Variants in NRG3 observed in about 807,000 individuals in gnomAD.
The protein encoded by NRG3 is neuregulin 3, also known as pro-neuregulin-3, membrane-bound isoform.
In NRG3, 31 loss-of-function variants were observed where a neutral mutation model predicts 66.9. That is an observed-to-expected ratio of 0.46 (90% confidence interval 0.35 to 0.63). The LOEUF (loss-of-function observed/expected upper bound fraction) is 0.63, where lower values mean the gene tolerates loss of function less well. NRG3 is among the 20% of genes least tolerant of loss of function. The probability of loss-of-function intolerance (pLI) is 0.00; values close to 1 mark genes in which losing one functional copy is unlikely to be tolerated. For missense variants in NRG3, 910 were observed against 878.9 expected, an observed-to-expected ratio of 1.04 and a Z score of -0.45; for synonymous variants, 393 against 359.4, an observed-to-expected ratio of 1.09 and a Z score of -1.06.
chr10:82,843,302 C>A, intron 3 of NRG3: 1 of 448,534 alleles, frequency 2.2e-6, no homozygotes, highest in Non-Finnish European at 4.5e-6. Flanking sequence ...GTGTCATTCT[C>A]AAAGGACAAT....
chr10:82,741,530 G>A (rs938161291), intron 3 of NRG3, among the ~76,000 whole-genome samples: 10 of 152,066 alleles, frequency 6.6e-5, no homozygotes, highest in African/African-American at 2.4e-4. Flanking sequence ...TTACTAATAC[G>A]CGTTTAAATG....
At chr10:82,248,574 T>C (rs1411003903) in intron 1 of NRG3, among the ~76,000 whole-genome samples, 2 of 152,192 alleles carry the variant, frequency 1.3e-5, no homozygotes, top group Non-Finnish European at 2.9e-5. Context: ...ATAATAATAG[T>C]ATCTATTTTT....
chr10:82,081,813 A>G (rs926272427), intron 1 of NRG3, among the ~76,000 whole-genome samples: 1 of 152,194 alleles, frequency 6.6e-6, no homozygotes, highest in South Asian at 2.1e-4. Context: ...CATTATTTAC[A>G]TAAGGAATGG....
chr10:82,542,676 G>A (rs767085323), intron 2 of NRG3, among the ~76,000 whole-genome samples: 13 of 152,258 alleles, frequency 8.5e-5, no homozygotes, highest in Middle Eastern at 3.4e-3. Flanking sequence ...AATAAAACAA[G>A]GAAAACAGAG....
At chr10:82,579,684 TGTAG>T (rs2046239999) in intron 2 of NRG3, among the ~76,000 whole-genome samples, 1 of 152,002 alleles carries the variant, frequency 6.6e-6, no homozygotes, top group Admixed American at 6.6e-5. Flanking sequence ...AACTCCATGT[TGTAG>T]CAACAAACAT....
intron 2 of NRG3, among the ~76,000 whole-genome samples, chr10:82,662,408 T>G (rs1418821995): frequency 6.6e-6 from 1 of 152,096 alleles, no homozygotes; most frequent in African/African-American, 2.4e-5. Flanking sequence ...ACAGATTGTA[T>G]TTATAATTAA....
At chr10:82,760,158 T>C (rs2135049334) in intron 3 of NRG3, among the ~76,000 whole-genome samples, 2 of 152,204 alleles carry the variant, frequency 1.3e-5, no homozygotes, top group African/African-American at 4.8e-5. Context: ...GGAACCTTTT[T>C]GCCTGAGTTG....
At chr10:82,979,700 G>T (rs1206620764) in intron 8 of NRG3, among the ~76,000 whole-genome samples, 1 of 152,078 alleles carries the variant, frequency 6.6e-6, no homozygotes, top group Non-Finnish European at 1.5e-5. Flanking sequence ...CCTTCCTCTG[G>T]TGGACACAGA....
intron 3 of NRG3, among the ~76,000 whole-genome samples, chr10:82,800,524 G>A (rs1199057434): frequency 2.0e-5 from 3 of 152,130 alleles, no homozygotes; most frequent in Admixed American, 6.5e-5. Flanking sequence ...GAATGTTATA[G>A]GGAATGAGAG....
At chr10:82,063,901 G>GGAGAACA (rs1163944523) in intron 1 of NRG3, among the ~76,000 whole-genome samples, 1 of 152,078 alleles carries the variant, frequency 6.6e-6, no homozygotes, top group African/African-American at 2.4e-5. Flanking sequence ...AACATAGCTG[G>GGAGAACA]GAGAACAAAG....
At chr10:82,524,595 T>A (rs1237788464) in intron 2 of NRG3, among the ~76,000 whole-genome samples, 2 of 151,886 alleles carry the variant, frequency 1.3e-5, no homozygotes, top group Admixed American at 1.3e-4. Flanking sequence ...ATATATATAA[T>A]CACTTTTAGG....
chr10:82,533,219 C>T (rs1847470519), intron 2 of NRG3, among the ~76,000 whole-genome samples: 1 of 151,726 alleles, frequency 6.6e-6, no homozygotes, highest in Non-Finnish European at 1.5e-5. Context: ...ATATGGTTTG[C>T]AAATAATTTT....
intron 4 of NRG3, among the ~76,000 whole-genome samples, chr10:82,949,084 G>C (rs1054835390): frequency 6.6e-6 from 1 of 152,008 alleles, no homozygotes; most frequent in African/African-American, 2.4e-5. Flanking sequence ...TAGGTTTTGA[G>C]AGTTTTAATC....
At chr10:82,346,754 G>C (rs1293101171) in intron 1 of NRG3, among the ~76,000 whole-genome samples, 1 of 151,878 alleles carries the variant, frequency 6.6e-6, no homozygotes, top group African/African-American at 2.4e-5. Flanking sequence ...CCTGTTATTG[G>C]TCTATTCAGA....
intron 2 of NRG3, among the ~76,000 whole-genome samples, chr10:82,590,109 A>T (rs569304929): frequency 6.6e-6 from 1 of 152,266 alleles, no homozygotes; most frequent in East Asian, 1.9e-4. Context: ...CTACCATCTG[A>T]TTGAATTTGA....
At chr10:82,181,974 T>G (rs1229094786) in intron 1 of NRG3, among the ~76,000 whole-genome samples, 1 of 151,910 alleles carries the variant, frequency 6.6e-6, no homozygotes, top group African/African-American at 2.4e-5. Flanking sequence ...TATATCATCT[T>G]GGTGAATTGA....
rs528118095 is a variant in NRG3, at chr10:82,242,683, G to A, written c.824-116056G>A. On this transcript the variant is annotated intron_variant, in intron 1 of 8. Transcript: ENST00000372141. ...TAGAAGAAGACTTTGGAATTCTTGT[G>A]GAGGAGATTAGGTGGAGAGAGAGGG... 2.8e-4 allele frequency among the ~76,000 whole-genome samples: 42 copies of A among 152,284 alleles called. 1 individual carries two copies. The South Asian group carries it at 4.3e-3, about 16-fold the overall frequency.
At position 82,742,977 on chromosome 10, in the gene NRG3, G is replaced by A. The variant is rs114531020; in HGVS notation, c.1027+4327G>A. Among the ~76,000 whole-genome samples, 836 of 152,226 alleles carry A rather than the reference G, an allele frequency of 5.5e-3. 7 individuals are homozygous for A. The highest frequency in any genetic ancestry group is 0.019 in the African/African-American group (778 of 41,558). ...CTGACATAATCACCAGCCAATGGAA[G>A]CATGGGGGATGCTGCAGAGAACAGA... On this transcript the variant is annotated intron_variant, in intron 3 of 8. Transcript: ENST00000372141.
At chr10:82,468,215 C>T (rs769749381) in intron 2 of NRG3, among the ~76,000 whole-genome samples, 4 of 152,202 alleles carry the variant, frequency 2.6e-5, no homozygotes, top group Non-Finnish European at 4.4e-5. Flanking sequence ...CAACCTCCCT[C>T]CACCACATCA....
Sources: gnomAD v4.1 joint callset for allele counts (sites outside exome capture counted in the v4.1 genomes callset) on GRCh38, gnomAD v4.1.1 for gene constraint, MANE v1.5 for transcripts, NCBI Gene and HGNC (gene_info 2026-07-23, HGNC 2026-07-21) for gene names.